The following GNB1 variants were observed in gnomAD, a reference collection of about 807,000 sequenced individuals.
The protein encoded by GNB1 is guanine nucleotide-binding protein G(I)/G(S)/G(T) subunit beta-1.
GNB1 carries 2 observed loss-of-function variants against 42.9 expected under a neutral mutation model. The observed-to-expected ratio is 0.05, with a 90% CI of 0.02 to 0.15. The LOEUF is 0.15. Among genes scored for constraint, GNB1 ranks in the 10% least tolerant of loss-of-function variants. GNB1 has a pLI of 1.00. For synonymous variants in GNB1, 183 were observed against 174.7 expected, an observed-to-expected ratio of 1.05 and a Z score of -0.38; for missense variants, 193 against 462.2, an observed-to-expected ratio of 0.42 and a Z score of 5.34.
At chr1:1,854,901 C>A (rs1422805176) in intron 1 of GNB1, among the ~76,000 whole-genome samples, 1 of 152,176 alleles carries the variant, frequency 6.6e-6, no homozygotes, top group Non-Finnish European at 1.5e-5. Flanking sequence ...TGGCTCACGC[C>A]TGTAATCCCA....
chr1:1,884,978 C>T (rs1479166532), intron 1 of GNB1, among the ~76,000 whole-genome samples: 4 of 151,892 alleles, frequency 2.6e-5, no homozygotes, highest in Admixed American at 6.6e-5. Context: ...CCACCGTGCC[C>T]GGCCAGTATT....
At chr1:1,842,323 T>G (rs1325878073) in intron 1 of GNB1, among the ~76,000 whole-genome samples, 3 of 151,704 alleles carry the variant, frequency 2.0e-5, no homozygotes, top group South Asian at 2.1e-4. Context: ...CCAGCTACTC[T>G]GGAGGCTGAG....
chr1:1,808,320 A>T (rs1164089694), intron 5 of GNB1, among the ~76,000 whole-genome samples: 1 of 152,062 alleles, frequency 6.6e-6, no homozygotes, highest in East Asian at 1.9e-4. Flanking sequence ...ATTTTTTCAT[A>T]ACTATTTCCT....
intron 1 of GNB1, among the ~76,000 whole-genome samples, chr1:1,885,977 G>A (rs1650132013): frequency 6.6e-6 from 1 of 151,330 alleles, no homozygotes; most frequent in Non-Finnish European, 1.5e-5. Flanking sequence ...CCAATGGTAG[G>A]CACTGACACA....
chr1:1,790,276 T>A lies in GNB1; in HGVS notation c.699+119A>T. The A allele has an allele frequency of 2.9e-6, 2 of 695,616 alleles. No homozygotes were observed. Among genetic ancestry groups the A allele is most frequent in the South Asian group, 1.7e-5 (1 of 58,408 alleles). The allele number at this position is 695,616 out of a possible 1,614,324, so 43.1% of individuals were successfully genotyped here. On this transcript the variant is annotated intron_variant, in intron 9 of 11. Coordinates refer to ENST00000378609, the MANE Select transcript of GNB1 (RefSeq NM_002074.5). The surrounding 1 kb of genome is among the most constrained non-coding windows in gnomAD (Gnocchi z 5.4). The stretch of plus-strand genomic sequence containing the variant: ...AGTTTTCTGTATCCCCATCTGTACA[T>A]GAGGTTGTATAAGGATCAGAAAGGA...
chr1:1,816,011 T>C (rs747304571), intron 4 of GNB1, 149 bp from the exon 5 acceptor site: 10 of 646,558 alleles, frequency 1.5e-5, no homozygotes, highest in Non-Finnish European at 1.7e-5. Flanking sequence ...ACTGTGGCAT[T>C]CTGCACTGAA....
intron 1 of GNB1, among the ~76,000 whole-genome samples, chr1:1,888,160 A>C (rs1179741396): frequency 6.6e-6 from 1 of 152,206 alleles, no homozygotes; most frequent in East Asian, 1.9e-4. Context: ...CGAGAGAAAT[A>C]GCTTTTGGCC....
At chr1:1,814,729 G>A (rs1646826795) in intron 5 of GNB1, among the ~76,000 whole-genome samples, 1 of 146,620 alleles carries the variant, frequency 6.8e-6, no homozygotes, top group South Asian at 2.1e-4. Flanking sequence ...TGGAGCCTAG[G>A]ACGTCGAGGC....
In GNB1 at chr1:1,825,506, C is replaced by G; in HGVS notation, c.-46-7G>C. ...ACCTTCAAGAATGTGAGATCTGAAA[C>G]AGAAAGACAAGCACAATCAATAAAC... On this transcript the variant is annotated splice_region_variant and splice_polypyrimidine_tract_variant and intron_variant, in intron 2 of 11. Coordinates refer to ENST00000378609, the MANE Select transcript of GNB1 (RefSeq NM_002074.5). The G allele has an allele frequency of 8.1e-7, 1 of 1,240,224 alleles. No homozygotes were observed. The highest frequency in any genetic ancestry group is 1.2e-6 in the Non-Finnish European group (1 of 839,054). 76.8% of individuals were successfully genotyped at this position (1,240,224 alleles called of 1,614,324 possible).
At chr1:1,800,753 T>TAAAAAAAAAAAAAA (rs943269814) in intron 7 of GNB1, among the ~76,000 whole-genome samples, 1 of 115,324 alleles carries the variant, frequency 8.7e-6, no homozygotes, top group African/African-American at 3.2e-5. Flanking sequence ...TTTAGATTGT[T>TAAAAAAAAAAAAAA]AAAAAAAAAA....
At chr1:1,817,382 G>A (rs1401165627) in intron 4 of GNB1, among the ~76,000 whole-genome samples, 2 of 152,150 alleles carry the variant, frequency 1.3e-5, no homozygotes, top group African/African-American at 2.4e-5. Context: ...TTTGGCTATT[G>A]TGAATGGTGC....
chr1:1,845,642 T>C (rs1479449761), intron 1 of GNB1, among the ~76,000 whole-genome samples: 2 of 152,052 alleles, frequency 1.3e-5, no homozygotes, highest in Non-Finnish European at 2.9e-5. Flanking sequence ...TGGATATGTA[T>C]GCCAGAGCGA....
At chr1:1,868,967 G>A (rs530566405) in intron 1 of GNB1, among the ~76,000 whole-genome samples, 13 of 151,484 alleles carry the variant, frequency 8.6e-5, no homozygotes, top group Admixed American at 5.3e-4. Flanking sequence ...GACGGACCAC[G>A]AGGTCAGGAG....
intron 5 of GNB1, among the ~76,000 whole-genome samples, chr1:1,812,817 AC>A (rs1220212907): frequency 1.4e-5 from 1 of 73,092 alleles, no homozygotes; most frequent in East Asian, 5.0e-4. Flanking sequence ...TCTGGCGCCC[AC>A]CCCACCCACC....
At chr1:1,871,843 A>C (rs1649267720) in intron 1 of GNB1, among the ~76,000 whole-genome samples, 1 of 152,074 alleles carries the variant, frequency 6.6e-6, no homozygotes, top group Middle Eastern at 3.2e-3. Flanking sequence ...GTCCATCAGC[A>C]ACCTGGCTGA....
intron 1 of GNB1, among the ~76,000 whole-genome samples, chr1:1,864,314 C>CAAAAAAAAAAAAAAAAAAAA (rs1173466617): frequency 1.8e-4 from 7 of 37,928 alleles, no homozygotes; most frequent in East Asian, 1.2e-3. Context: ...AAGACTCTCT[C>CAAAAAAAAAAAAAAAAAAAA]AAAAAAAAAA....
At chr1:1,846,011 G>GTCC (rs200248274) in intron 1 of GNB1, among the ~76,000 whole-genome samples, 59,084 of 151,436 alleles carry the variant, frequency 0.39, 14,177 homozygotes, top group Admixed American at 0.54. Context: ...CTCCCTCAAG[G>GTCC]TCTGGCACAG....
chr1:1,840,277 C>G (rs112713962), intron 1 of GNB1, among the ~76,000 whole-genome samples: 2,474 of 151,756 alleles, frequency 0.016, 64 homozygotes, highest in African/African-American at 0.055. Context: ...GCCTGTAATC[C>G]CAGCACTTTG....
intron 1 of GNB1, among the ~76,000 whole-genome samples, chr1:1,865,694 A>G (rs1272472666): frequency 2.0e-5 from 3 of 152,224 alleles, no homozygotes; most frequent in African/African-American, 7.2e-5. Flanking sequence ...ATGAAACAGG[A>G]GACTACAGTA....
Sources: gnomAD v4.1 joint callset for allele counts (sites outside exome capture counted in the v4.1 genomes callset) on GRCh38, gnomAD v4.1.1 for gene constraint, Gnocchi (gnomAD v3.1) non-coding constraint, MANE v1.5 for transcripts, NCBI Gene and HGNC (gene_info 2026-07-23, HGNC 2026-07-21) for gene names.